Variants in DPP10 observed in about 807,000 individuals in gnomAD.
DPP10 encodes the protein dipeptidyl peptidase like 10.
Under a neutral mutation model 120.9 loss-of-function variants are expected in DPP10, and 33 were observed. That is an observed-to-expected ratio of 0.27 (90% CI 0.21 to 0.37). DPP10 has a LOEUF of 0.37. Among genes scored for constraint, DPP10 ranks in the 10% least tolerant of loss-of-function variants. The pLI, the probability that DPP10 is intolerant of heterozygous loss-of-function variation, is 1.00. For missense variants in DPP10, 816 were observed against 942.8 expected (o/e 0.87, Z 1.76); for synonymous variants, 337 against 326.1 (o/e 1.03, Z -0.36).
chr2:114,606,940 C>T (rs1393376669), intron 1 of DPP10, among the ~76,000 whole-genome samples: 8 of 152,084 alleles, frequency 5.3e-5, no homozygotes, highest in Admixed American at 6.6e-5. Flanking sequence ...TCTATTTCCC[C>T]GCCTGGGATA....
At chr2:114,988,947 A>T (rs186638137) in intron 1 of DPP10, among the ~76,000 whole-genome samples, 49 of 148,390 alleles carry the variant, frequency 3.3e-4, no homozygotes, top group Non-Finnish European at 6.0e-4. Context: ...ATCTGCAATT[A>T]AAAAAAAAAG....
At chr2:115,290,401 T>A (rs1574312158) in intron 1 of DPP10, among the ~76,000 whole-genome samples, 1 of 152,074 alleles carries the variant, frequency 6.6e-6, no homozygotes. Context: ...TATACATATG[T>A]GGATAAATAG....
intron 3 of DPP10, among the ~76,000 whole-genome samples, chr2:115,454,524 T>A (rs1311077643): frequency 6.6e-6 from 1 of 151,774 alleles, no homozygotes; most frequent in Non-Finnish European, 1.5e-5. Flanking sequence ...TGAAAAATTC[T>A]AATAGTCATG....
intron 5 of DPP10, among the ~76,000 whole-genome samples, chr2:115,609,615 A>T (rs889907987): frequency 6.6e-6 from 1 of 152,090 alleles, no homozygotes; most frequent in African/African-American, 2.4e-5. Flanking sequence ...AAACAAAAAA[A>T]CCCTGCTAAA....
chr2:115,788,935 G>A (rs553944409), intron 17 of DPP10, among the ~76,000 whole-genome samples: 53 of 152,182 alleles, frequency 3.5e-4, no homozygotes, highest in African/African-American at 7.0e-4. Flanking sequence ...TGGCTAACAC[G>A]GTGAAACCCT....
In DPP10 at chr2:114,945,934, G is replaced by A. The variant is rs1438966216; in HGVS notation, c.61-363305G>A. Among the ~76,000 whole-genome samples, 5 of 152,168 alleles carry A rather than the reference G, an allele frequency of 3.3e-5. No homozygotes were observed. In the South Asian group the frequency reaches 1.0e-3, roughly 31 times the overall value. The stretch of plus-strand genomic sequence containing the variant: ...AATAGTAATGTCATATTGATAACAT[G>A]TACTCTAAGCCAAGTCCAAACATGA... On this transcript the variant is annotated intron_variant, in intron 1 of 25. Coordinates refer to ENST00000410059, the MANE Select transcript of DPP10 (RefSeq NM_020868.6).
At chr2:115,163,059 G>A (rs2052553721) in intron 1 of DPP10, among the ~76,000 whole-genome samples, 1 of 152,144 alleles carries the variant, frequency 6.6e-6, no homozygotes, top group Non-Finnish European at 1.5e-5. Context: ...CGCTGGGGTA[G>A]GAGGACTGGG....
At chr2:115,302,373 G>T (rs996181453) in intron 1 of DPP10, among the ~76,000 whole-genome samples, 1 of 151,980 alleles carries the variant, frequency 6.6e-6, no homozygotes, top group African/African-American at 2.4e-5. Context: ...ATATAATTGC[G>T]AGTTCTTTTA....
intron 1 of DPP10, among the ~76,000 whole-genome samples, chr2:114,623,520 C>A (rs1233116210): frequency 6.6e-6 from 1 of 152,084 alleles, no homozygotes; most frequent in East Asian, 1.9e-4. Flanking sequence ...ATAAAACAGA[C>A]TTTCAATTGA....
At chr2:115,267,844 T>A (rs1165135297) in intron 1 of DPP10, among the ~76,000 whole-genome samples, 1 of 152,164 alleles carries the variant, frequency 6.6e-6, no homozygotes, top group Admixed American at 6.5e-5. Context: ...TTTTAAAAAT[T>A]GTAGTTATCC....
At chr2:115,452,497 G>T (rs939009581) in intron 3 of DPP10, among the ~76,000 whole-genome samples, 3 of 151,870 alleles carry the variant, frequency 2.0e-5, no homozygotes, top group African/African-American at 7.2e-5. Context: ...AAATGCTCAA[G>T]ATAATGATGA....
intron 1 of DPP10, among the ~76,000 whole-genome samples, chr2:114,730,192 A>T (rs1676757766): frequency 6.6e-6 from 1 of 152,220 alleles, no homozygotes. Flanking sequence ...AAAGACTCTT[A>T]GAAGTAATTT....
chr2:115,621,011 C>G (rs1171271647), intron 5 of DPP10, among the ~76,000 whole-genome samples: 1 of 152,154 alleles, frequency 6.6e-6, no homozygotes. Flanking sequence ...ATTTGCTGTT[C>G]ATATCTCAAA....
intron 19 of DPP10, among the ~76,000 whole-genome samples, chr2:115,794,118 T>C (rs893084876): frequency 5.3e-5 from 8 of 152,206 alleles, no homozygotes; most frequent in African/African-American, 1.7e-4. Context: ...TAGACAGTGA[T>C]AAACAATAGA....
At chr2:115,150,791 G>A (rs1177850513) in intron 1 of DPP10, among the ~76,000 whole-genome samples, 1 of 152,020 alleles carries the variant, frequency 6.6e-6, no homozygotes, top group Non-Finnish European at 1.5e-5. Context: ...AATACATACT[G>A]GATATTGGAA....
intron 1 of DPP10, among the ~76,000 whole-genome samples, chr2:114,718,554 G>A (rs1192284873): frequency 1.3e-5 from 2 of 152,056 alleles, no homozygotes. Context: ...ACTCTTTTAT[G>A]ACATAAGAAC....
intron 8 of DPP10, among the ~76,000 whole-genome samples, chr2:115,730,178 G>A (rs1016975358): frequency 2.4e-4 from 36 of 152,116 alleles, no homozygotes; most frequent in African/African-American, 3.6e-4. Flanking sequence ...AACGGTGAGC[G>A]GCTGTAAGGC....
intron 1 of DPP10, among the ~76,000 whole-genome samples, chr2:114,913,661 T>G (rs1406753407): frequency 1.3e-5 from 2 of 152,124 alleles, no homozygotes; most frequent in African/African-American, 4.8e-5. Flanking sequence ...AAGTCTAAAA[T>G]CCAGAGAACC....
intron 1 of DPP10, among the ~76,000 whole-genome samples, chr2:115,246,562 T>C (rs2058543238): frequency 6.6e-6 from 1 of 151,990 alleles, no homozygotes; most frequent in African/African-American, 2.4e-5. Context: ...GTCCACTAGT[T>C]GAGTGTTTAT....
Sources: allele counts gnomAD v4.1 joint callset (sites outside exome capture counted in the v4.1 genomes callset), GRCh38; gene constraint gnomAD v4.1.1; transcripts MANE v1.5; gene names NCBI Gene and HGNC (gene_info 2026-07-23, HGNC 2026-07-21).